Variants in CTNNA3 observed in about 807,000 individuals in gnomAD.
CTNNA3 encodes catenin alpha-3.
In CTNNA3, 76 loss-of-function variants were observed where a neutral mutation model predicts 95.7. The ratio of observed to expected loss-of-function variants is 0.79; its 90% CI spans 0.66 to 0.96. The LOEUF is 0.96. Ranked by LOEUF, CTNNA3 falls within the 40% of genes least tolerant of loss-of-function variation. CTNNA3 has a pLI of 0.00. For synonymous variants in CTNNA3, 431 were observed against 374.4 expected (o/e 1.15, Z -1.74); for missense variants, 1,191 against 1,089.8 (o/e 1.09, Z -1.31).
Position 67,413,375 on chromosome 10 carries a change from C to G in CTNNA3, c.579+108467G>C, listed in dbSNP as rs1845440037. On this transcript the variant is annotated intron_variant, in intron 5 of 17. Transcript: ENST00000433211. ...GGGCACTGCATAACAATAAAGGATA[C>G]AGTCCGACAAGAAGCCTTAACTATA... is the stretch of plus-strand genomic sequence containing the variant. Among the ~76,000 whole-genome samples the G allele has an allele frequency of 1.3e-5, 2 of 152,100 alleles. 1 individual carries two copies. The highest frequency in any genetic ancestry group is 4.1e-4 in the South Asian group (2 of 4,828).
chr10:67,713,899 C>T (rs1206447221), intron 1 of CTNNA3, among the ~76,000 whole-genome samples: 1 of 151,862 alleles, frequency 6.6e-6, no homozygotes, highest in Admixed American at 6.6e-5. Context: ...ACATGTATAC[C>T]TATGTAACAA....
intron 5 of CTNNA3, among the ~76,000 whole-genome samples, chr10:67,237,542 T>A (rs941481015): frequency 1.3e-5 from 2 of 151,796 alleles, no homozygotes; most frequent in East Asian, 3.9e-4. Context: ...GAAATTTTTT[T>A]AAAAAATTAA....
At chr10:67,185,738 T>C (rs1218833621) in intron 6 of CTNNA3, among the ~76,000 whole-genome samples, 1 of 151,970 alleles carries the variant, frequency 6.6e-6, no homozygotes, top group Non-Finnish European at 1.5e-5. Context: ...TTAAACCATT[T>C]AGGCCAGGTG....
At chr10:67,566,377 T>C (rs2133277461) in intron 3 of CTNNA3, among the ~76,000 whole-genome samples, 2 of 151,526 alleles carry the variant, frequency 1.3e-5, no homozygotes, top group African/African-American at 4.8e-5. Context: ...GAACAGACAC[T>C]TCTCAAAAGA....
intron 5 of CTNNA3, among the ~76,000 whole-genome samples, chr10:67,454,634 T>G (rs1178856495): frequency 6.6e-6 from 1 of 152,156 alleles, no homozygotes; most frequent in African/African-American, 2.4e-5. Context: ...CTATGCCAAG[T>G]CTCTTATGGG....
At chr10:66,317,950 A>T (rs1307544743) in intron 12 of CTNNA3, among the ~76,000 whole-genome samples, 1 of 152,058 alleles carries the variant, frequency 6.6e-6, no homozygotes, top group African/African-American at 2.4e-5. Context: ...ATATTTATTA[A>T]ATAAGTGCAT....
Position 66,589,684 on chromosome 10 carries a change from T to C in CTNNA3, c.1374+32008A>G, listed in dbSNP as rs1240935272. On this transcript the variant is annotated intron_variant, in intron 10 of 17. Coordinates refer to ENST00000433211, the MANE Select transcript of CTNNA3 (RefSeq NM_013266.4). ...AAATGGCATACAAGTTGAGATGTTGTCATATTAACAGAAATAATGGCAGCT... is the reference window on the plus strand; with the variant it reads ...AAATGGCATACAAGTTGAGATGTTGCCATATTAACAGAAATAATGGCAGCT... 2.0e-5 allele frequency among the ~76,000 whole-genome samples: 3 copies of C among 152,180 alleles called. No homozygotes were observed. The East Asian group carries it at 5.8e-4, about 29-fold the overall frequency.
chr10:67,519,785 A>C (rs1839927661), intron 5 of CTNNA3, among the ~76,000 whole-genome samples: 1 of 152,198 alleles, frequency 6.6e-6, no homozygotes, highest in Non-Finnish European at 1.5e-5. Context: ...ATAAAGAGGA[A>C]ACTTTCTTGC....
intron 13 of CTNNA3, among the ~76,000 whole-genome samples, chr10:66,129,111 A>C (rs2082967399): frequency 6.6e-6 from 1 of 152,096 alleles, no homozygotes; most frequent in Non-Finnish European, 1.5e-5. Flanking sequence ...CTAAAAATAC[A>C]AAATTAGCTG....
At chr10:67,700,631 A>G (rs1841029353), upstream of CTNNA3, among the ~76,000 whole-genome samples, 1 of 152,174 alleles carries the variant, frequency 6.6e-6, no homozygotes, top group African/African-American at 2.4e-5. Context: ...TCTGTACATC[A>G]CCATCATCAA....
intron 5 of CTNNA3, among the ~76,000 whole-genome samples, chr10:67,515,202 T>C (rs538164886): frequency 1.6e-4 from 25 of 152,312 alleles, no homozygotes; most frequent in Middle Eastern, 6.8e-3. Context: ...CTTCAGACTG[T>C]AACTATAGAA....
At chr10:67,020,027 C>T (rs1852902874) in intron 7 of CTNNA3, among the ~76,000 whole-genome samples, 1 of 151,952 alleles carries the variant, frequency 6.6e-6, no homozygotes, top group Non-Finnish European at 1.5e-5. Context: ...ACTGCTTTCC[C>T]TCACTGTGTC....
intron 11 of CTNNA3, among the ~76,000 whole-genome samples, chr10:66,490,198 C>T (rs1288946524): frequency 2.0e-5 from 3 of 152,058 alleles, no homozygotes; most frequent in African/African-American, 7.2e-5. Flanking sequence ...CATTTAACTT[C>T]TTAATTTTAT....
At chr10:66,518,205 A>G (rs1412868445) in intron 11 of CTNNA3, among the ~76,000 whole-genome samples, 1 of 152,156 alleles carries the variant, frequency 6.6e-6, no homozygotes, top group Non-Finnish European at 1.5e-5. Flanking sequence ...ATATCGGTAT[A>G]TCAGGTTAAT....
At chr10:66,760,791 A>G (rs1000004392) in intron 9 of CTNNA3, among the ~76,000 whole-genome samples, 1 of 152,116 alleles carries the variant, frequency 6.6e-6, no homozygotes, top group Non-Finnish European at 1.5e-5. Context: ...CAGTAAAAGG[A>G]CTAAGATGCT....
At chr10:67,580,109 T>A (rs1842329660) in intron 3 of CTNNA3, among the ~76,000 whole-genome samples, 1 of 152,216 alleles carries the variant, frequency 6.6e-6, no homozygotes, top group African/African-American at 2.4e-5. Flanking sequence ...TTTTGGTTTT[T>A]AACTCATGAA....
At chr10:66,026,785 G>A (rs2079348930) in intron 15 of CTNNA3, among the ~76,000 whole-genome samples, 1 of 151,994 alleles carries the variant, frequency 6.6e-6, no homozygotes, top group East Asian at 1.9e-4. Context: ...TTTTGAAGTC[G>A]CACAATAAAT....
chr10:66,842,099 C>A (rs1039302208), intron 7 of CTNNA3, among the ~76,000 whole-genome samples: 1 of 151,752 alleles, frequency 6.6e-6, no homozygotes, highest in African/African-American at 2.4e-5. Context: ...TGGCTAAATT[C>A]GTTTTTCTTT....
chr10:66,735,962 C>A (rs952845873), intron 9 of CTNNA3, among the ~76,000 whole-genome samples: 2 of 152,160 alleles, frequency 1.3e-5, no homozygotes, highest in African/African-American at 4.8e-5. Flanking sequence ...TGTTCTTACC[C>A]TTGCCTTGGG....
Sources: allele counts gnomAD v4.1 joint callset (sites outside exome capture counted in the v4.1 genomes callset), GRCh38; gene constraint gnomAD v4.1.1; transcripts MANE v1.5; gene names NCBI Gene and HGNC (gene_info 2026-07-23, HGNC 2026-07-21).